The following FGGY variants were observed in gnomAD, a reference collection of about 807,000 sequenced individuals.
FGGY encodes FGGY carbohydrate kinase domain containing, also known as FGGY carbohydrate kinase domain-containing protein.
In FGGY, 72 loss-of-function variants were observed where a neutral mutation model predicts 71.3. The ratio of observed to expected loss-of-function variants is 1.01; its 90% CI spans 0.84 to 1.23. The LOEUF (loss-of-function observed/expected upper bound fraction) is 1.23. FGGY is among the 50% of genes most tolerant of loss of function. FGGY has a pLI of 0.00. For missense variants in FGGY, 668 were observed against 682.3 expected, an observed-to-expected ratio of 0.98 and a Z score of 0.23; for synonymous variants, 251 against 250.3, an observed-to-expected ratio of 1.00 and a Z score of -0.02.
intron 14 of FGGY, among the ~76,000 whole-genome samples, chr1:59,736,562 C>T (rs749813526): frequency 6.6e-6 from 1 of 152,080 alleles, no homozygotes; most frequent in Non-Finnish European, 1.5e-5. Flanking sequence ...TACGTTTCAG[C>T]AAAGAGACTA....
chr1:59,346,134 C>A, intron 3 of FGGY, 113 bp from the exon 4 acceptor site: 1 of 1,354,420 alleles, frequency 7.4e-7, no homozygotes, highest in Non-Finnish European at 1.0e-6. Context: ...ACTCTTGATA[C>A]ATAAAATTAT....
chr1:59,583,132 A>G (rs2096225089), intron 8 of FGGY, among the ~76,000 whole-genome samples: 1 of 143,176 alleles, frequency 7.0e-6, no homozygotes, highest in Admixed American at 6.9e-5. Context: ...CACTAAGGAA[A>G]AATAAATGCC....
intron 1 of FGGY, among the ~76,000 whole-genome samples, chr1:59,300,239 A>G (rs2042558339): frequency 2.0e-5 from 3 of 152,222 alleles, no homozygotes; most frequent in East Asian, 1.9e-4. Context: ...AACATACCTA[A>G]TAACCCCAAA....
intron 7 of FGGY, among the ~76,000 whole-genome samples, chr1:59,514,190 G>A (rs189189069): frequency 6.6e-6 from 1 of 152,294 alleles, no homozygotes; most frequent in East Asian, 1.9e-4. Context: ...CATGTGTGAG[G>A]CCACAAAAGC....
Position 59,565,940 on chromosome 1 carries a change from C to T in FGGY, c.903+11713C>T, listed in dbSNP as rs140032055. Among the ~76,000 whole-genome samples, 489 of 152,326 alleles carry T rather than the reference C, an allele frequency of 3.2e-3. 4 individuals carry two copies. Among genetic ancestry groups the T allele is most frequent in the African/African-American group, 0.011 (456 of 41,566 alleles). ...GTATTTATGAGACTCCCTATTTAAT[C>T]TTCCCCTGTTCCCTGCTGCGCTGTG... is the stretch of plus-strand genomic sequence containing the variant. On this transcript the variant is annotated intron_variant, in intron 8 of 15. Transcript: ENST00000303721.
At position 59,515,868 on chromosome 1, in the gene FGGY, T is replaced by A. The variant is rs1310903636; in HGVS notation, c.799+3429T>A. On this transcript the variant is annotated intron_variant, in intron 7 of 15. Transcript: ENST00000303721. ...TATCAGCAGCATAAAAATGGACTAA[T>A]GCAGTAAGTTAGTAACTTTCCCCCA... 5.9e-5 allele frequency among the ~76,000 whole-genome samples: 9 copies of A among 152,332 alleles called. No homozygotes were observed. In the South Asian group the frequency reaches 1.9e-3, roughly 32 times the overall value.
intron 14 of FGGY, among the ~76,000 whole-genome samples, chr1:59,687,713 C>A (rs1419233744): frequency 6.6e-6 from 1 of 151,840 alleles, no homozygotes; most frequent in Non-Finnish European, 1.5e-5. Flanking sequence ...CGTGATCCAC[C>A]CACCTCGGCC....
At chr1:59,308,417 A>G (rs1341250357) in intron 1 of FGGY, among the ~76,000 whole-genome samples, 1 of 152,222 alleles carries the variant, frequency 6.6e-6, no homozygotes, top group Non-Finnish European at 1.5e-5. Context: ...CATTGAGAAC[A>G]TTCAGACAGC....
chr1:59,647,905 C>A (rs1298250765), intron 11 of FGGY, among the ~76,000 whole-genome samples: 8 of 96,186 alleles, frequency 8.3e-5, no homozygotes, highest in Admixed American at 5.5e-4. Context: ...CCCCTCCCCC[C>A]ACCCCACCAC....
At chr1:59,743,699 A>G (rs1376412430) in intron 14 of FGGY, among the ~76,000 whole-genome samples, 1 of 152,156 alleles carries the variant, frequency 6.6e-6, no homozygotes, top group African/African-American at 2.4e-5. Context: ...AGCCGGAGCA[A>G]GTTCTTATTT....
At chr1:59,332,377 T>G (rs2048661295) in intron 2 of FGGY, among the ~76,000 whole-genome samples, 1 of 152,156 alleles carries the variant, frequency 6.6e-6, no homozygotes, top group South Asian at 2.1e-4. Context: ...CTTCCATTAA[T>G]AAGAATATAA....
intron 8 of FGGY, among the ~76,000 whole-genome samples, chr1:59,578,845 G>A (rs1444778555): frequency 1.3e-5 from 2 of 152,054 alleles, no homozygotes; most frequent in Non-Finnish European, 1.5e-5. Flanking sequence ...CTGTCTCTAC[G>A]TAATCATGTA....
In FGGY at chr1:59,491,284, T is replaced by A. The variant is rs547413947; in HGVS notation, c.671-21027T>A. Among the ~76,000 whole-genome samples the A allele has an allele frequency of 1.6e-4, 25 of 151,594 alleles. No individual in the cohort carries two copies. The South Asian group carries it at 4.2e-3, about 25-fold the overall frequency. Reference sequence around the variant, plus strand: ...AATGTCATTGGTATTTTGATAGGGATTACGTTGAGTGTGTAGGTTGCTTTG... The same window carrying A: ...AATGTCATTGGTATTTTGATAGGGAATACGTTGAGTGTGTAGGTTGCTTTG... On this transcript the variant is annotated intron_variant, in intron 6 of 15. Transcript: ENST00000303721.
chr1:59,577,097 A>T (rs945676384), intron 8 of FGGY, among the ~76,000 whole-genome samples: 1 of 152,124 alleles, frequency 6.6e-6, no homozygotes, highest in Admixed American at 6.6e-5. Flanking sequence ...TTCTTTATTC[A>T]ATGAGTTGAG....
At chr1:59,643,557 G>A (rs2097059060) in intron 11 of FGGY, among the ~76,000 whole-genome samples, 1 of 152,080 alleles carries the variant, frequency 6.6e-6, no homozygotes, top group Non-Finnish European at 1.5e-5. Context: ...GAAAGAACAA[G>A]TTAAGATGAA....
chr1:59,441,448 A>G lies in FGGY; in HGVS notation c.555-15513A>G, dbSNP rs145209087. Among the ~76,000 whole-genome samples the G allele has an allele frequency of 3.8e-3, 574 of 152,332 alleles. 4 individuals carry two copies. The highest frequency in any genetic ancestry group is 0.013 in the African/African-American group (533 of 41,574). On this transcript the variant is annotated intron_variant, in intron 5 of 15. Coordinates refer to ENST00000303721, the MANE Select transcript of FGGY (RefSeq NM_018291.5). ...ATTTCATTTAGTTCGGATAATGGCT[A>G]TCAAATTAGCTGACAACCCATCTCA...
intron 11 of FGGY, among the ~76,000 whole-genome samples, chr1:59,647,741 CT>C (rs578262218): frequency 0.046 from 5,081 of 111,588 alleles, 177 homozygotes; most frequent in African/African-American, 0.12. Context: ...CTGCCACCAT[CT>C]TTTTTTTTTT....
chr1:59,376,967 T>G (rs2153320288), intron 4 of FGGY, among the ~76,000 whole-genome samples: 1 of 152,334 alleles, frequency 6.6e-6, no homozygotes, highest in Non-Finnish European at 1.5e-5. Flanking sequence ...GTTCCATTCA[T>G]AGGCAGAAGT....
intron 14 of FGGY, among the ~76,000 whole-genome samples, chr1:59,707,734 C>A (rs914634802): frequency 6.6e-6 from 1 of 152,116 alleles, no homozygotes; most frequent in African/African-American, 2.4e-5. Context: ...TCAAATGAAG[C>A]CCCCTTGGAT....
Sources: gnomAD v4.1 joint callset for allele counts (sites outside exome capture counted in the v4.1 genomes callset) on GRCh38, gnomAD v4.1.1 for gene constraint, MANE v1.5 for transcripts, NCBI Gene and HGNC (gene_info 2026-07-23, HGNC 2026-07-21) for gene names.